Variants in RASGRF1 observed in about 807,000 individuals in gnomAD.
RASGRF1 encodes ras-specific guanine nucleotide-releasing factor 1.
RASGRF1 carries 40 observed loss-of-function variants against 138.7 expected under a neutral mutation model. That is an observed-to-expected ratio of 0.29 (90% CI 0.22 to 0.38). RASGRF1 has a LOEUF of 0.38. Ranked by LOEUF, RASGRF1 falls within the 10% of genes least tolerant of loss-of-function variation. RASGRF1 has a pLI of 1.00. For missense variants in RASGRF1, 1,108 were observed against 1,650.4 expected (o/e 0.67, Z 5.69); for synonymous variants, 614 against 663.2 (o/e 0.93, Z 1.14).
chr15:79,019,615 T>A (rs1361452100), intron 11 of RASGRF1, among the ~76,000 whole-genome samples: 2 of 152,072 alleles, frequency 1.3e-5, no homozygotes, highest in East Asian at 3.9e-4. Flanking sequence ...GCTGGGTGTG[T>A]CCCTGGCTTC....
rs2056382172 is a variant in RASGRF1 at position 78,995,896 on chromosome 15, C to G, written c.2967-96G>C. 2.5e-6 allele frequency: 3 copies of G among 1,184,860 alleles called. No individual in the cohort carries two copies. In the Admixed American group the frequency reaches 5.3e-5, roughly 21 times the overall value. The allele number at this position is 1,184,860 out of a possible 1,614,324, so 73.4% of individuals were successfully genotyped here. On this transcript the variant is annotated intron_variant, in intron 19 of 26. Transcript: ENST00000558480. ...CCCACACGGCCTCTGCTCTTACGCCCCTCTGTCCTCGTCATCCCCATTGCC... is the reference window on the plus strand; with the variant it reads ...CCCACACGGCCTCTGCTCTTACGCCGCTCTGTCCTCGTCATCCCCATTGCC...
intron 10 of RASGRF1, among the ~76,000 whole-genome samples, chr15:79,024,039 A>AC (rs2057007503): frequency 2.0e-5 from 3 of 148,280 alleles, no homozygotes; most frequent in Non-Finnish European, 4.4e-5. Context: ...ACACACATAC[A>AC]AACACACACA....
In RASGRF1 at chr15:79,090,446, A is replaced by T. The variant is rs772572838; in HGVS notation, c.53T>A (p.Leu18Gln). The change falls in exon 1 of 27, where the codon CTG becomes CAG. Residue 18 changes from leucine to glutamine, a missense_variant. Coordinates refer to ENST00000558480, the MANE Select transcript of RASGRF1 (RefSeq NM_001145648.3). ...NDGHVASLGL[L>Q]ARKDGTRKGY... ...TTTGCGCGTGCCGTCCTTGCGCGCC[A>T]GCAGTCCCAGGGACGCGACGTGGCC... 3.7e-6 allele frequency: 6 copies of T among 1,613,112 alleles called. No individual in the cohort carries two copies. The highest frequency in any genetic ancestry group is 5.1e-6 in the Non-Finnish European group (6 of 1,179,966).
chr15:78,979,010 GC>G (rs1437777277), intron 24 of RASGRF1: 2 of 1,293,410 alleles, frequency 1.5e-6, no homozygotes, highest in African/African-American at 3.0e-5. Context: ...GGCAGTGGAG[GC>G]AGCGGTGGTG....
chr15:79,032,367 G>A lies in RASGRF1; in HGVS notation c.959-51C>T. 1 of 1,561,302 alleles carries A rather than the reference G, an allele frequency of 6.4e-7. No homozygotes were observed. ...TGGCTAGGGCAGCTTGGTGGGGACA[G>A]AATCCCCTAGGCCCTTGGCTCCCCC... On this transcript the variant is annotated intron_variant, in intron 6 of 26. Transcript: ENST00000558480. The surrounding 1 kb of genome is among the most constrained non-coding windows in gnomAD (Gnocchi z 4.5).
chr15:79,024,930 A>G (rs1219333659), intron 10 of RASGRF1, among the ~76,000 whole-genome samples: 1 of 151,914 alleles, frequency 6.6e-6, no homozygotes, highest in African/African-American at 2.4e-5. Flanking sequence ...ACATACACAC[A>G]CACCACATAT....
intron 1 of RASGRF1, among the ~76,000 whole-genome samples, chr15:79,072,476 C>T (rs1016906670): frequency 4.6e-5 from 7 of 151,434 alleles, no homozygotes; most frequent in Middle Eastern, 3.2e-3. Flanking sequence ...GGGGTTTCAC[C>T]GTGTTAGCCA....
chr15:79,085,281 C>T (rs935776784), intron 1 of RASGRF1, among the ~76,000 whole-genome samples: 1 of 152,152 alleles, frequency 6.6e-6, no homozygotes, highest in Non-Finnish European at 1.5e-5. Flanking sequence ...GCTTCTGCCA[C>T]AGCCTTGAGA....
In RASGRF1 at chr15:78,995,752, C is replaced by A; in HGVS notation, c.3015G>T (p.Glu1005Asp). The change falls in exon 20 of 27, where the codon GAG becomes GAT. Residue 1005 changes from glutamate to aspartate, a missense_variant. Coordinates refer to ENST00000558480, the MANE Select transcript of RASGRF1 (RefSeq NM_001145648.3). ...AGGCCCAGCTCACCATCTGCGTGAT[C>A]TCCTCCAGCGTGATCTGGTTGTCAC... The part of the protein sequence containing the change: ...DPGDNQITLE[E>D]ITQMAEGVKA... The A allele has an allele frequency of 6.2e-7, 1 of 1,614,190 alleles. No homozygotes were observed. The highest frequency in any genetic ancestry group is 8.5e-7 in the Non-Finnish European group (1 of 1,180,026).
chr15:78,978,512 A>G, intron 24 of RASGRF1: 2 of 983,818 alleles, frequency 2.0e-6, no homozygotes, highest in Non-Finnish European at 2.4e-6. Flanking sequence ...GGCATGAGCC[A>G]CTGTGCCTAG....
intron 24 of RASGRF1, chr15:78,979,093 C>G (rs1342263491): frequency 6.2e-6 from 8 of 1,289,976 alleles, no homozygotes; most frequent in Non-Finnish European, 6.1e-6. Flanking sequence ...GACGGACGGA[C>G]AAGTTGGTGA....
chr15:79,088,011 C>T (rs1393106100), intron 1 of RASGRF1, among the ~76,000 whole-genome samples: 1 of 152,224 alleles, frequency 6.6e-6, no homozygotes, highest in African/African-American at 2.4e-5. Context: ...GAGTGCATCT[C>T]ATCAATTAGT....
At chr15:78,968,276 G>GTGTGTGTGTGTGTGTT (rs2055684104) in intron 26 of RASGRF1, among the ~76,000 whole-genome samples, 1 of 151,626 alleles carries the variant, frequency 6.6e-6, no homozygotes, top group Non-Finnish European at 1.5e-5. Flanking sequence ...GTGTGTGTGT[G>GTGTGTGTGTGTGTGTT]TGTTTTATTT....
chr15:79,030,925 C>T (rs1259100527), intron 8 of RASGRF1, among the ~76,000 whole-genome samples: 1 of 152,178 alleles, frequency 6.6e-6, no homozygotes, highest in Admixed American at 6.5e-5. Context: ...AGGTGAGGGG[C>T]CTTGACCAGA....
intron 26 of RASGRF1, among the ~76,000 whole-genome samples, chr15:78,968,250 A>ATG (rs10529968): frequency 0.17 from 22,214 of 134,158 alleles, 1,743 homozygotes; most frequent in African/African-American, 0.21. Flanking sequence ...CATGACACTG[A>ATG]TGTGTGTGTG....
At chr15:79,015,461 G>A (rs757958939) in intron 12 of RASGRF1, 52 bp from the exon 13 acceptor site, 1 of 1,507,112 alleles carries the variant, frequency 6.6e-7, no homozygotes, top group Admixed American at 1.7e-5. Context: ...CCTGGACCCA[G>A]GCCCACCAGG....
At chr15:78,963,341 G>A (rs1422247765) in intron 26 of RASGRF1, among the ~76,000 whole-genome samples, 2 of 151,140 alleles carry the variant, frequency 1.3e-5, no homozygotes, top group East Asian at 1.9e-4. Context: ...TTGCTCTGTC[G>A]CCCAGTCTGG....
chr15:78,995,150 A>C (rs923658936), intron 20 of RASGRF1, among the ~76,000 whole-genome samples: 4 of 151,762 alleles, frequency 2.6e-5, no homozygotes, highest in Admixed American at 1.3e-4. Context: ...GCTGATCTTG[A>C]ACTCCTGACC....
At chr15:79,017,012 C>T (rs1595906362) in intron 12 of RASGRF1, among the ~76,000 whole-genome samples, 2 of 152,220 alleles carry the variant, frequency 1.3e-5, no homozygotes, top group East Asian at 1.9e-4. Context: ...TGGGATGGCA[C>T]ATCCCTGACC....
Sources: gnomAD v4.1 joint callset for allele counts (sites outside exome capture counted in the v4.1 genomes callset) on GRCh38, gnomAD v4.1.1 for gene constraint, Gnocchi (gnomAD v3.1) non-coding constraint, MANE v1.5 for transcripts, NCBI Gene and HGNC (gene_info 2026-07-23, HGNC 2026-07-21) for gene names.